The following ANK3 variants were observed in gnomAD, a reference collection of about 807,000 sequenced individuals.
The protein encoded by ANK3 is ankyrin-3.
ANK3 carries 57 observed loss-of-function variants against 370.9 expected under a neutral mutation model. The ratio of observed to expected loss-of-function variants is 0.15; its 90% CI spans 0.12 to 0.19. The LOEUF is 0.19. Among genes scored for constraint, ANK3 ranks in the 10% least tolerant of loss-of-function variants. The probability of loss-of-function intolerance (pLI) is 1.00; values close to 1 mark genes in which losing one functional copy is unlikely to be tolerated. For missense variants in ANK3, 4,439 were observed against 5,302.1 expected, an observed-to-expected ratio of 0.84 and a Z score of 5.06; for synonymous variants, 1,929 against 1,946.3, an observed-to-expected ratio of 0.99 and a Z score of 0.23.
intron 42 of ANK3, chr10:60,044,421 CAT>C (rs1342213936): frequency 2.6e-6 from 2 of 759,446 alleles, no homozygotes; most frequent in Non-Finnish European, 3.2e-6. Context: ...ACACCACACA[CAT>C]GCTCTGGAAT....
In ANK3 at chr10:60,279,789, G is replaced by T. The variant is rs1592967287; in HGVS notation, c.115-150C>A. Reference sequence around the variant, plus strand: ...AAAAGTTCTTTGTAAAAAGAACCAAGAAAAGGACACATTTTTTAAAAGTTA... The same window carrying T: ...AAAAGTTCTTTGTAAAAAGAACCAATAAAAGGACACATTTTTTAAAAGTTA... On this transcript the variant is annotated intron_variant, in intron 1 of 43. Transcript: ENST00000280772. The T allele has an allele frequency of 1.5e-5, 10 of 660,682 alleles. No individual in the cohort carries two copies. The South Asian group carries it at 2.0e-4, about 13-fold the overall frequency. 40.9% of individuals were successfully genotyped at this position (660,682 alleles called of 1,614,324 possible).
chr10:60,430,596 G>T (rs1000413096), intron 2 of ANK3, among the ~76,000 whole-genome samples: 2 of 152,130 alleles, frequency 1.3e-5, no homozygotes, highest in Non-Finnish European at 2.9e-5. Flanking sequence ...TGAATGATTT[G>T]TCCCAGGCAA....
At chr10:60,345,584 A>T (rs1185974512) in intron 1 of ANK3, among the ~76,000 whole-genome samples, 1 of 152,170 alleles carries the variant, frequency 6.6e-6, no homozygotes, top group Admixed American at 6.5e-5. Context: ...TTACTTTCTT[A>T]TCTGGATGAA....
At chr10:60,272,312 C>CAAGAA (rs200536724) in intron 4 of ANK3, among the ~76,000 whole-genome samples, 3,526 of 152,060 alleles carry the variant, frequency 0.023, 130 homozygotes, top group African/African-American at 0.079. Flanking sequence ...AGCAACAAAA[C>CAAGAA]AAGAAAAGAA....
At chr10:60,715,030 G>T (rs998250111) in intron 1 of ANK3, among the ~76,000 whole-genome samples, 2 of 152,060 alleles carry the variant, frequency 1.3e-5, no homozygotes, top group African/African-American at 4.8e-5. Context: ...TCTAACAAAT[G>T]TATCACTTTA....
chr10:60,694,505 G>T (rs1014522232), intron 1 of ANK3, among the ~76,000 whole-genome samples: 1 of 151,454 alleles, frequency 6.6e-6, no homozygotes, highest in African/African-American at 2.4e-5. Flanking sequence ...GAGAAAGGTC[G>T]GGTTACCCTC....
At chr10:60,399,059 G>A (rs1351971739) in intron 2 of ANK3, among the ~76,000 whole-genome samples, 2 of 151,962 alleles carry the variant, frequency 1.3e-5, no homozygotes, top group Non-Finnish European at 2.9e-5. Context: ...ATATTTATGG[G>A]GTATCGCCTA....
intron 2 of ANK3, chr10:60,507,550 A>G (rs1042102972): frequency 2.0e-5 from 3 of 152,116 alleles, no homozygotes; most frequent in Admixed American, 2.0e-4. Flanking sequence ...TTAATGCAGT[A>G]TCTGTTTTCC....
In ANK3 at chr10:60,028,728, T is replaced by G. The variant is rs1191491742; in HGVS notation, c.*1118A>C. 1 of 152,598 alleles carries G rather than the reference T, an allele frequency of 6.6e-6. No homozygotes were observed. Among genetic ancestry groups the G allele is most frequent in the Non-Finnish European group, 1.5e-5 (1 of 68,034 alleles). 9.5% of individuals were successfully genotyped at this position (152,598 alleles called of 1,614,324 possible). ...CTACTAGCTAAGGATTTCTGTTCAG[T>G]CCTTTTTAAATACCCCCGACTGGGG... On this transcript the variant is annotated 3_prime_UTR_variant, in exon 44 of 44. Transcript: ENST00000280772.
At chr10:60,143,200 C>G (rs1304143529) in intron 23 of ANK3, among the ~76,000 whole-genome samples, 1 of 21,332 alleles carries the variant, frequency 4.7e-5, no homozygotes, top group Admixed American at 8.4e-4. Flanking sequence ...ATAAGCCAGG[C>G]ATTGTGTTAG....
At chr10:60,314,187 A>G (rs2132859624) in intron 1 of ANK3, among the ~76,000 whole-genome samples, 2 of 152,350 alleles carry the variant, frequency 1.3e-5, no homozygotes, top group African/African-American at 4.8e-5. Flanking sequence ...GCTTTCATCA[A>G]GTGATGTCCA....
chr10:60,411,714 C>T (rs1033156831), intron 2 of ANK3, among the ~76,000 whole-genome samples: 2 of 152,180 alleles, frequency 1.3e-5, no homozygotes, highest in Non-Finnish European at 1.5e-5. Context: ...AGCATGGTCA[C>T]TTACTAGGAA....
chr10:60,067,309 T>C (rs895254060), intron 38 of ANK3, among the ~76,000 whole-genome samples: 1 of 152,252 alleles, frequency 6.6e-6, no homozygotes, highest in African/African-American at 2.4e-5. Context: ...CTGTCATTGT[T>C]TTCTTGTTTA....
At chr10:60,325,807 C>T (rs2049714451) in intron 1 of ANK3, among the ~76,000 whole-genome samples, 2 of 152,264 alleles carry the variant, frequency 1.3e-5, no homozygotes, top group Non-Finnish European at 1.5e-5. Flanking sequence ...ATAAATCATC[C>T]TTTTATAAAG....
intron 11 of ANK3, 143 bp from the exon 12 acceptor site, chr10:60,203,243 T>A: frequency 1.9e-6 from 1 of 527,662 alleles, no homozygotes; most frequent in Non-Finnish European, 3.4e-6. Flanking sequence ...CACCATTATG[T>A]TACAGATTCT....
intron 2 of ANK3, among the ~76,000 whole-genome samples, chr10:60,515,256 T>C (rs2076190152): frequency 6.6e-6 from 1 of 152,128 alleles, no homozygotes; most frequent in South Asian, 2.1e-4. Context: ...CCAGTGTTCT[T>C]ATTACTTAGG....
Position 60,081,493 on chromosome 10 carries a change from AT to A in ANK3, c.4350+656del, listed in dbSNP as rs769667687. 1.4e-5 allele frequency: 6 copies of A among 442,762 alleles called. No homozygotes were observed. In the East Asian group the frequency reaches 4.2e-4, roughly 31 times the overall value. 27.4% of individuals were successfully genotyped at this position (442,762 alleles called of 1,614,324 possible). A position where few individuals can be genotyped will look rare whatever the true frequency, so the allele number is the denominator to read the frequency against. ...TAATTATCATATAACTTAGAGAAAC[AT>A]TAGGAGACAACTTAATTGAACTATA... On this transcript the variant is annotated intron_variant, in intron 35 of 43. Transcript: ENST00000280772.
At chr10:60,223,464 A>C (rs1220452817) in intron 8 of ANK3, among the ~76,000 whole-genome samples, 2 of 152,194 alleles carry the variant, frequency 1.3e-5, no homozygotes, top group Non-Finnish European at 2.9e-5. Context: ...ACACTAGTTT[A>C]TCTCTGAGGA....
chr10:60,609,232 G>A (rs1159777501), intron 2 of ANK3, among the ~76,000 whole-genome samples: 3 of 152,082 alleles, frequency 2.0e-5, no homozygotes, highest in African/African-American at 7.2e-5. Context: ...GAGGAATAAG[G>A]TGGTCTAGTA....
Sources: gnomAD v4.1 joint callset for allele counts (sites outside exome capture counted in the v4.1 genomes callset) on GRCh38, gnomAD v4.1.1 for gene constraint, MANE v1.5 for transcripts, NCBI Gene and HGNC (gene_info 2026-07-23, HGNC 2026-07-21) for gene names.